The following ABCB11 variants were observed in gnomAD, a reference collection of about 807,000 sequenced individuals.
The protein encoded by ABCB11 is ATP binding cassette subfamily B member 11, also known as bile salt export pump.
A neutral mutation model predicts 148.0 loss-of-function variants in ABCB11; 95 were observed. That is an observed-to-expected ratio of 0.64 (90% CI 0.54 to 0.76). The LOEUF is 0.76. Ranked by LOEUF, ABCB11 falls within the 30% of genes least tolerant of loss-of-function variation. The probability of loss-of-function intolerance (pLI) is 0.00; values close to 1 mark genes in which losing one functional copy is unlikely to be tolerated. For missense variants in ABCB11, 1,523 were observed against 1,617.8 expected (o/e 0.94, Z 1.01); for synonymous variants, 591 against 555.4 (o/e 1.06, Z -0.90).
chr2:168,949,923 G>A (rs143087381), intron 19 of ABCB11, among the ~76,000 whole-genome samples: 1 of 151,448 alleles, frequency 6.6e-6, no homozygotes, highest in Non-Finnish European at 1.5e-5. Context: ...GACTGGCCTA[G>A]CCTCCCAGCC....
intron 18 of ABCB11, among the ~76,000 whole-genome samples, chr2:168,959,588 G>A (rs1279837091): frequency 2.0e-5 from 3 of 151,564 alleles, no homozygotes; most frequent in Non-Finnish European, 3.0e-5. Flanking sequence ...TGTGAACAGA[G>A]GCATTGATTA....
chr2:168,972,522 T>C lies in ABCB11; in HGVS notation c.1435-472A>G, dbSNP rs535804288. Among the ~76,000 whole-genome samples, 30 of 152,074 alleles carry C rather than the reference T, an allele frequency of 2.0e-4. No homozygotes were observed. The East Asian group carries it at 5.0e-3, about 26-fold the overall frequency. Reference sequence around the variant, plus strand: ...TGCTGTTAAAAAGCAAGTGAAACTATCAGTGGGAGCAAATAAAAATCACTA... The same window carrying C: ...TGCTGTTAAAAAGCAAGTGAAACTACCAGTGGGAGCAAATAAAAATCACTA... On this transcript the variant is annotated intron_variant, in intron 13 of 27. Coordinates refer to ENST00000650372, the MANE Select transcript of ABCB11 (RefSeq NM_003742.4).
At chr2:168,956,198 A>AACTC (rs111622854) in intron 19 of ABCB11, among the ~76,000 whole-genome samples, 3,871 of 151,668 alleles carry the variant, frequency 0.026, 160 homozygotes, top group African/African-American at 0.087. Context: ...ATCTCGTGAG[A>AACTC]ACTCACTCAC....
At chr2:168,964,406 G>A (rs1205354875) in intron 17 of ABCB11, 98 bp from the exon 18 acceptor site, 1 of 995,458 alleles carries the variant, frequency 1.0e-6, no homozygotes, top group East Asian at 2.7e-5. Flanking sequence ...CAAATAAATA[G>A]AAATGTTTGG....
chr2:168,964,167 A>T, intron 18 of ABCB11, 39 bp downstream of exon 18: 1 of 1,459,628 alleles, frequency 6.9e-7, no homozygotes. Flanking sequence ...CCCAGGAGAG[A>T]CTTCTTCCAT....
intron 10 of ABCB11, among the ~76,000 whole-genome samples, chr2:168,980,926 G>A (rs1573934901): frequency 6.6e-6 from 1 of 152,194 alleles, no homozygotes; most frequent in East Asian, 1.9e-4. Flanking sequence ...AGGAATACCA[G>A]TCTCCTCCTC....
At chr2:168,965,888 C>CA (rs922179217) in intron 17 of ABCB11, among the ~76,000 whole-genome samples, 3 of 151,820 alleles carry the variant, frequency 2.0e-5, no homozygotes, top group African/African-American at 7.2e-5. Flanking sequence ...AATTTGTTCC[C>CA]ATTTTCTGTT....
intron 1 of ABCB11, among the ~76,000 whole-genome samples, chr2:169,023,326 T>A (rs1695589538): frequency 6.6e-6 from 1 of 152,188 alleles, no homozygotes; most frequent in Non-Finnish European, 1.5e-5. Context: ...AACAGCCTCC[T>A]GAGATGGGTA....
intron 15 of ABCB11, 92 bp from the exon 16 acceptor site, chr2:168,969,643 A>C: frequency 8.7e-7 from 1 of 1,143,716 alleles, no homozygotes; most frequent in Non-Finnish European, 1.2e-6. Context: ...GGAAAGTTAG[A>C]TCCTTGGTCC....
At chr2:168,917,433 G>A (rs1354700871), downstream of ABCB11, among the ~76,000 whole-genome samples, 1 of 152,124 alleles carries the variant, frequency 6.6e-6, no homozygotes, top group Non-Finnish European at 1.5e-5. Flanking sequence ...TTGGGAAGAG[G>A]TCCTCAGGAA....
chr2:168,964,167 A>G, intron 18 of ABCB11, 39 bp downstream of exon 18: 1 of 1,459,628 alleles, frequency 6.9e-7, no homozygotes, highest in African/African-American at 1.4e-5. Flanking sequence ...CCCAGGAGAG[A>G]CTTCTTCCAT....
At chr2:169,017,915 A>T in intron 2 of ABCB11, 135 bp downstream of exon 2, 1 of 807,644 alleles carries the variant, frequency 1.2e-6, no homozygotes, top group Non-Finnish European at 2.2e-6. Flanking sequence ...ACAGTTGTGT[A>T]TAAGAATCAC....
chr2:168,962,140 T>C (rs751464596), intron 18 of ABCB11, among the ~76,000 whole-genome samples: 4 of 151,690 alleles, frequency 2.6e-5, no homozygotes, highest in Non-Finnish European at 5.9e-5. Context: ...TACAAACCAG[T>C]GGTATTATTA....
At chr2:168,944,986 G>C (rs755746999) in intron 19 of ABCB11, 25 bp from the exon 20 acceptor site, 4 of 1,396,794 alleles carry the variant, frequency 2.9e-6, no homozygotes, top group Non-Finnish European at 2.9e-6. Flanking sequence ...AAACAAGAAA[G>C]TAACTTTATT....
chr2:169,001,743 G>A (rs765536551), intron 5 of ABCB11, among the ~76,000 whole-genome samples: 10 of 152,106 alleles, frequency 6.6e-5, no homozygotes, highest in Non-Finnish European at 1.3e-4. Context: ...AGAAAAAGCA[G>A]GATTTTGTTG....
chr2:168,945,519 A>T (rs1692267516), intron 19 of ABCB11, among the ~76,000 whole-genome samples: 1 of 151,808 alleles, frequency 6.6e-6, no homozygotes, highest in African/African-American at 2.4e-5. Flanking sequence ...TAAAACATTT[A>T]AGTAATAAAA....
chr2:168,962,727 C>T (rs1018116171), intron 18 of ABCB11, among the ~76,000 whole-genome samples: 1 of 151,658 alleles, frequency 6.6e-6, no homozygotes. Context: ...TAAACTCCTG[C>T]TCTTATATAA....
At chr2:169,005,389 G>C (rs1017306609) in intron 5 of ABCB11, among the ~76,000 whole-genome samples, 3 of 152,044 alleles carry the variant, frequency 2.0e-5, no homozygotes, top group Non-Finnish European at 2.9e-5. Context: ...GTGGGGGATG[G>C]GGGTGTGGTT....
chr2:168,919,135 C>T (rs1691003587), downstream of ABCB11, among the ~76,000 whole-genome samples: 1 of 151,836 alleles, frequency 6.6e-6, no homozygotes, highest in Non-Finnish European at 1.5e-5. Flanking sequence ...TCCCAACCTA[C>T]CCCACATATT....
Sources: allele counts gnomAD v4.1 joint callset (sites outside exome capture counted in the v4.1 genomes callset), GRCh38; gene constraint gnomAD v4.1.1; transcripts MANE v1.5; gene names NCBI Gene and HGNC (gene_info 2026-07-23, HGNC 2026-07-21).